VPS13D: variants seen among roughly 807,000 people sequenced by gnomAD.
VPS13D encodes intermembrane lipid transfer protein VPS13D.
VPS13D carries 187 observed loss-of-function variants against 461.9 expected under a neutral mutation model. The observed-to-expected ratio is 0.40, with a 90% CI of 0.36 to 0.46. The LOEUF (loss-of-function observed/expected upper bound fraction) is 0.46, where lower values mean the gene tolerates loss of function less well. VPS13D is among the 20% of genes least tolerant of loss of function. The pLI, the probability that VPS13D is intolerant of heterozygous loss-of-function variation, is 0.60. For missense variants in VPS13D, 4,711 were observed against 5,364.9 expected (o/e 0.88, Z 3.81); for synonymous variants, 1,951 against 1,986.3 (o/e 0.98, Z 0.47).
At chr1:12,376,921 T>G (rs1644206119) in intron 55 of VPS13D, among the ~76,000 whole-genome samples, 1 of 152,208 alleles carries the variant, frequency 6.6e-6, no homozygotes, top group Non-Finnish European at 1.5e-5. Flanking sequence ...GAGATTCACA[T>G]GTTGGACCTA....
chr1:12,250,551 T>C (rs1178833118), intron 6 of VPS13D, among the ~76,000 whole-genome samples: 1 of 150,968 alleles, frequency 6.6e-6, no homozygotes, highest in African/African-American at 2.5e-5. Context: ...GACGTATTTT[T>C]CTTTATTCCC....
intron 65 of VPS13D, among the ~76,000 whole-genome samples, chr1:12,449,138 A>G (rs1645230106): frequency 2.0e-5 from 3 of 152,114 alleles, no homozygotes; most frequent in Admixed American, 2.0e-4. Flanking sequence ...AGACCAGGAA[A>G]AAAAAAAAAG....
At chr1:12,240,746 T>C (rs1640324967) in intron 2 of VPS13D, among the ~76,000 whole-genome samples, 1 of 140,082 alleles carries the variant, frequency 7.1e-6, no homozygotes. Flanking sequence ...TCTCCCCAAA[T>C]GTGGAAATGG....
At chr1:12,474,640 CTG>C (rs1465270061) in intron 67 of VPS13D, among the ~76,000 whole-genome samples, 18 of 152,294 alleles carry the variant, frequency 1.2e-4, no homozygotes, top group Admixed American at 1.1e-3. Context: ...AGATCGATAA[CTG>C]TGGATTATCG....
At chr1:12,423,269 A>G (rs1644885099) in intron 65 of VPS13D, among the ~76,000 whole-genome samples, 1 of 152,192 alleles carries the variant, frequency 6.6e-6, no homozygotes, top group South Asian at 2.1e-4. Flanking sequence ...CCAGGTCACT[A>G]CAGAGCTGAG....
intron 67 of VPS13D, among the ~76,000 whole-genome samples, chr1:12,466,008 G>A (rs1191603111): frequency 3.3e-5 from 5 of 152,064 alleles, no homozygotes; most frequent in Admixed American, 6.6e-5. Flanking sequence ...GGTGGTGCGC[G>A]CCTGTACTCC....
chr1:12,328,815 A>G (rs1643258320), intron 36 of VPS13D, among the ~76,000 whole-genome samples: 1 of 152,232 alleles, frequency 6.6e-6, no homozygotes, highest in African/African-American at 2.4e-5. Context: ...CTGGGATTAC[A>G]GGCATGAGCC....
rs1570309689 is a variant in VPS13D, at chr1:12,509,274, T to G, written c.*250T>G. On this transcript the variant is annotated 3_prime_UTR_variant, in exon 70 of 70. Transcript: ENST00000620676. ...TGGTTAAATAACGTTTAAAAACATG[T>G]ACTGAGATGAATCTAATTTTTAGAT... 2.2e-6 allele frequency: 1 copy of G among 455,300 alleles called. No homozygotes were observed. Among genetic ancestry groups the G allele is most frequent in the East Asian group, 3.9e-5 (1 of 25,862 alleles). The allele number at this position is 455,300 out of a possible 1,614,324, so 28.2% of individuals were successfully genotyped here. A position where few individuals can be genotyped will look rare whatever the true frequency, so the allele number is the denominator to read the frequency against.
chr1:12,393,682 A>G (rs1644458580), intron 60 of VPS13D, among the ~76,000 whole-genome samples: 1 of 152,132 alleles, frequency 6.6e-6, no homozygotes, highest in East Asian at 1.9e-4. Context: ...GGGATGTGAT[A>G]CTGTTTTTGG....
At chr1:12,394,225 G>C (rs552283238) in intron 60 of VPS13D, among the ~76,000 whole-genome samples, 1 of 152,288 alleles carries the variant, frequency 6.6e-6, no homozygotes, top group South Asian at 2.1e-4. Context: ...GAGGGGCCAT[G>C]ATTCTCTGTT....
At chr1:12,330,231 T>C (rs1643296065) in intron 37 of VPS13D, among the ~76,000 whole-genome samples, 1 of 151,922 alleles carries the variant, frequency 6.6e-6, no homozygotes. Context: ...GCCTGGCCAA[T>C]GTGGCGAAAC....
chr1:12,496,659 C>T (rs934710654), intron 67 of VPS13D, among the ~76,000 whole-genome samples: 3 of 152,370 alleles, frequency 2.0e-5, no homozygotes, highest in African/African-American at 7.2e-5. Context: ...GAAATATGCA[C>T]AGCCTTTCCA....
At chr1:12,383,348 A>G (rs1381571279) in intron 58 of VPS13D, among the ~76,000 whole-genome samples, 193 bp downstream of exon 58, 1 of 152,274 alleles carries the variant, frequency 6.6e-6, no homozygotes, top group African/African-American at 2.4e-5. Flanking sequence ...AGATAAGCGT[A>G]AAGTATAAAC....
intron 56 of VPS13D, among the ~76,000 whole-genome samples, chr1:12,379,213 C>T (rs1253764891): frequency 6.6e-6 from 1 of 152,128 alleles, no homozygotes; most frequent in East Asian, 1.9e-4. Flanking sequence ...GGTAAGTTGC[C>T]GTTTTGAGAA....
rs370920172 is a variant in VPS13D, at chr1:12,260,277, G to A, written c.1111-416G>A. 2.8e-4 allele frequency among the ~76,000 whole-genome samples: 42 copies of A among 152,126 alleles called. 3 individuals are homozygous for A. The highest frequency in any genetic ancestry group is 2.2e-3 in the Admixed American group (33 of 15,274). On this transcript the variant is annotated intron_variant, in intron 10 of 69. Coordinates refer to ENST00000620676, the MANE Select transcript of VPS13D (RefSeq NM_015378.4). ...CCTGACCTCGTGATCCGCCCATCTC[G>A]GCCTCCCAAAGTGCTGGGATTACAG...
chr1:12,231,093 C>T (rs910406242), intron 1 of VPS13D, among the ~76,000 whole-genome samples: 3 of 152,210 alleles, frequency 2.0e-5, no homozygotes, highest in Admixed American at 2.0e-4. Context: ...CTGGCCGCTC[C>T]TCAGGGGAGG....
chr1:12,287,451 G>C (rs528653851), intron 21 of VPS13D, among the ~76,000 whole-genome samples: 1 of 152,124 alleles, frequency 6.6e-6, no homozygotes, highest in Non-Finnish European at 1.5e-5. Context: ...AGACAAAGGG[G>C]TGAAGGCATG....
intron 65 of VPS13D, among the ~76,000 whole-genome samples, chr1:12,444,484 T>C (rs925823218): frequency 1.3e-5 from 2 of 152,150 alleles, no homozygotes; most frequent in African/African-American, 4.8e-5. Context: ...TTTTTCTTTC[T>C]TTTCCTTCTG....
chr1:12,390,380 A>G (rs147143078), intron 60 of VPS13D, among the ~76,000 whole-genome samples: 2,150 of 152,244 alleles, frequency 0.014, 20 homozygotes, highest in Non-Finnish European at 0.024. Flanking sequence ...CATTCTATCA[A>G]TCCAGCTGCT....
Sources: gnomAD v4.1 joint callset for allele counts (sites outside exome capture counted in the v4.1 genomes callset) on GRCh38, gnomAD v4.1.1 for gene constraint, MANE v1.5 for transcripts, NCBI Gene and HGNC (gene_info 2026-07-23, HGNC 2026-07-21) for gene names.